The following EVI5 variants were observed in gnomAD, a reference collection of about 807,000 sequenced individuals.
EVI5 encodes the protein ecotropic viral integration site 5, also known as ecotropic viral integration site 5 protein homolog.
EVI5 carries 73 observed loss-of-function variants against 112.0 expected under a neutral mutation model. The ratio of observed to expected loss-of-function variants is 0.65; its 90% CI spans 0.54 to 0.79. The LOEUF is 0.79. EVI5 is among the 30% of genes least tolerant of loss of function. EVI5 has a pLI of 0.00. For missense variants in EVI5, 900 were observed against 968.8 expected, an observed-to-expected ratio of 0.93 and a Z score of 0.94; for synonymous variants, 305 against 319.9, an observed-to-expected ratio of 0.95 and a Z score of 0.50.
chr1:92,684,314 T>C (rs1327146083), intron 9 of EVI5, among the ~76,000 whole-genome samples: 1 of 152,048 alleles, frequency 6.6e-6, no homozygotes, highest in Non-Finnish European at 1.5e-5. Context: ...GCTTCAGAAG[T>C]GAAGGAGAAA....
At position 92,560,518 on chromosome 1, in the gene EVI5, C is replaced by T. The variant is rs529429740; in HGVS notation, c.2166+3124G>A. Among the ~76,000 whole-genome samples, 9 of 152,152 alleles carry T rather than the reference C, an allele frequency of 5.9e-5. No individual in the cohort carries two copies. In the South Asian group the frequency reaches 1.5e-3, roughly 25 times the overall value. On this transcript the variant is annotated intron_variant, in intron 19 of 19. Coordinates refer to ENST00000684568, the MANE Select transcript of EVI5 (RefSeq NM_001350197.2). ...GAGCTGTAAACTTTTGACTTGGACA[C>T]GTCTCTGTATGCTATGCTGCTATAC...
chr1:92,549,979 C>T (rs377638150), intron 19 of EVI5, among the ~76,000 whole-genome samples: 162 of 152,240 alleles, frequency 1.1e-3, no homozygotes, highest in South Asian at 0.011. Context: ...TACCATTTGA[C>T]CCAGCCATCC....
intron 14 of EVI5, among the ~76,000 whole-genome samples, chr1:92,627,636 C>A (rs1655970242): frequency 6.6e-6 from 1 of 152,140 alleles, no homozygotes; most frequent in Non-Finnish European, 1.5e-5. Flanking sequence ...AGTTTACATT[C>A]CCACTAGCAG....
intron 7 of EVI5, among the ~76,000 whole-genome samples, chr1:92,694,603 A>G (rs1361294485): frequency 6.6e-6 from 1 of 152,204 alleles, no homozygotes; most frequent in East Asian, 1.9e-4. Flanking sequence ...TAAAGCAGAC[A>G]TACACGACAT....
intron 2 of EVI5, among the ~76,000 whole-genome samples, chr1:92,728,383 T>C (rs1334266132): frequency 6.7e-5 from 2 of 29,998 alleles, no homozygotes; most frequent in African/African-American, 2.0e-4. Flanking sequence ...GGTTTCTTTT[T>C]TTTCTTTTTT....
At chr1:92,782,637 T>C (rs1038544995) in intron 1 of EVI5, among the ~76,000 whole-genome samples, 1 of 152,152 alleles carries the variant, frequency 6.6e-6, no homozygotes, top group Non-Finnish European at 1.5e-5. Context: ...AACCGGAACA[T>C]TCCCTGCTAA....
At chr1:92,755,963 G>C (rs116107334) in intron 1 of EVI5, 301 of 170,304 alleles carry the variant, frequency 1.8e-3, no homozygotes, top group African/African-American at 6.9e-3. Flanking sequence ...CATTGTGAGC[G>C]ATCACGTCAC....
intron 5 of EVI5, among the ~76,000 whole-genome samples, chr1:92,701,091 T>C (rs1473681830): frequency 6.6e-6 from 1 of 152,202 alleles, no homozygotes; most frequent in Non-Finnish European, 1.5e-5. Flanking sequence ...TAAAAATTAT[T>C]TTTATTATAA....
At chr1:92,630,228 C>T (rs1656695367) in intron 14 of EVI5, among the ~76,000 whole-genome samples, 1 of 151,998 alleles carries the variant, frequency 6.6e-6, no homozygotes, top group African/African-American at 2.4e-5. Flanking sequence ...TTCTAGATCC[C>T]TGAGGAATCG....
rs1668451533 is a variant in EVI5 at position 92,561,067 on chromosome 1, C to CA, written c.2166+2574dup. ...AATTGGTCTGTTTTCATCACATAGA[C>CA]ACTCTGAAATGTTTAAGTGACCAGG... On this transcript the variant is annotated intron_variant, in intron 19 of 19. Coordinates refer to ENST00000684568, the MANE Select transcript of EVI5 (RefSeq NM_001350197.2). Among the ~76,000 whole-genome samples, 6 of 152,232 alleles carry CA rather than the reference C, an allele frequency of 3.9e-5. No individual in the cohort carries two copies. In the South Asian group the frequency reaches 1.2e-3, roughly 32 times the overall value.
chr1:92,613,974 G>A lies in EVI5; in HGVS notation c.1828-6247C>T, dbSNP rs72724527. On this transcript the variant is annotated intron_variant, in intron 16 of 19. Transcript: ENST00000684568. ...AATAAGTAACAAATGGAATACTGCT[G>A]AAGACAGACCCTTTTAAAATGTTAT... Among the ~76,000 whole-genome samples the A allele has an allele frequency of 4.6e-3, 699 of 152,304 alleles. 3 individuals carry two copies. The highest frequency in any genetic ancestry group is 6.3e-3 in the Admixed American group (96 of 15,296).
At chr1:92,553,109 A>G (rs1667187914) in intron 19 of EVI5, among the ~76,000 whole-genome samples, 1 of 151,996 alleles carries the variant, frequency 6.6e-6, no homozygotes, top group African/African-American at 2.4e-5. Context: ...GAATAAAGTA[A>G]GGTATCCTGT....
chr1:92,658,634 A>T (rs1272782366), intron 13 of EVI5, among the ~76,000 whole-genome samples: 2 of 152,330 alleles, frequency 1.3e-5, no homozygotes, highest in Middle Eastern at 3.4e-3. Flanking sequence ...AAGAATCAGT[A>T]TCATTAAAAT....
intron 18 of EVI5, among the ~76,000 whole-genome samples, chr1:92,585,031 T>A (rs1452539932): frequency 6.6e-6 from 1 of 151,918 alleles, no homozygotes; most frequent in Non-Finnish European, 1.5e-5. Context: ...CGAGACCAGT[T>A]TGGCCAACGT....
intron 18 of EVI5, among the ~76,000 whole-genome samples, chr1:92,592,175 A>G (rs1335906146): frequency 1.3e-5 from 2 of 152,172 alleles, no homozygotes; most frequent in South Asian, 2.1e-4. Flanking sequence ...CCCAGGAGGC[A>G]GAGCTTGCAG....
At chr1:92,583,329 G>A (rs991026666) in intron 18 of EVI5, among the ~76,000 whole-genome samples, 5 of 151,786 alleles carry the variant, frequency 3.3e-5, no homozygotes, top group African/African-American at 1.2e-4. Flanking sequence ...GGCCAACATG[G>A]TGAAACTCCA....
Position 92,677,207 on chromosome 1 carries a change from T to C in EVI5, c.1109A>G (p.Glu370Gly). The stretch of plus-strand genomic sequence containing the variant: ...TTCTTTCGTTTTTATTGTAGTGTAT[T>C]CCTTTTCAAGCCTAAGAAAGGAAAA... ...NSKKMKKLEK[E>G]YTTIKTKEME... Residue 370 changes from glutamate to glycine, a missense_variant, in exon 10 of 20, where the codon GAA becomes GGA. Physicochemically the swap from Glu to Gly is moderately conservative, Grantham distance 98. Coordinates refer to ENST00000684568, the MANE Select transcript of EVI5 (RefSeq NM_001350197.2). The C allele has an allele frequency of 6.3e-7, 1 of 1,575,128 alleles. No homozygotes were observed. The highest frequency in any genetic ancestry group is 8.7e-7 in the Non-Finnish European group (1 of 1,152,828).
chr1:92,607,480 T>C lies in EVI5; in HGVS notation c.1974+101A>G, dbSNP rs1571856908. Reference sequence around the variant, plus strand: ...GGAAAAGTAGAAAATAGGACGAGCTTTTTTGTTTTGTTTTTAAGATAATCT... The same window carrying C: ...GGAAAAGTAGAAAATAGGACGAGCTCTTTTGTTTTGTTTTTAAGATAATCT... On this transcript the variant is annotated intron_variant, in intron 17 of 19. Coordinates refer to ENST00000684568, the MANE Select transcript of EVI5 (RefSeq NM_001350197.2). 11 of 852,922 alleles carry C rather than the reference T, an allele frequency of 1.3e-5. No homozygotes were observed. The East Asian group carries it at 3.5e-4, about 27-fold the overall frequency. The allele number at this position is 852,922 out of a possible 1,614,324, so 52.8% of individuals were successfully genotyped here.
At chr1:92,776,437 T>C (rs896588761) in intron 1 of EVI5, among the ~76,000 whole-genome samples, 1 of 152,162 alleles carries the variant, frequency 6.6e-6, no homozygotes, top group Non-Finnish European at 1.5e-5. Context: ...ATATTTAAAA[T>C]AGAGACTTTA....
Sources: allele counts gnomAD v4.1 joint callset (sites outside exome capture counted in the v4.1 genomes callset), GRCh38; gene constraint gnomAD v4.1.1; transcripts MANE v1.5; gene names NCBI Gene and HGNC (gene_info 2026-07-23, HGNC 2026-07-21).